Variants in PHF21A observed in about 807,000 individuals in gnomAD.
The protein encoded by PHF21A is BHC80a.
In PHF21A, 11 loss-of-function variants were observed where a neutral mutation model predicts 82.5. That is an observed-to-expected ratio of 0.13 (90% CI 0.08 to 0.22). PHF21A has a LOEUF of 0.22. Among genes scored for constraint, PHF21A ranks in the 10% least tolerant of loss-of-function variants. The probability of loss-of-function intolerance (pLI) is 1.00; values close to 1 mark genes in which losing one functional copy is unlikely to be tolerated. For missense variants in PHF21A, 579 were observed against 837.8 expected, an observed-to-expected ratio of 0.69 and a Z score of 3.81; for synonymous variants, 297 against 302.8, an observed-to-expected ratio of 0.98 and a Z score of 0.20.
At chr11:46,038,316 C>T (rs937093293) in intron 6 of PHF21A, among the ~76,000 whole-genome samples, 1 of 151,906 alleles carries the variant, frequency 6.6e-6, no homozygotes, top group African/African-American at 2.4e-5. Flanking sequence ...TTAGTAGATA[C>T]GGGGTTTCAC....
At chr11:46,101,291 G>T (rs999150972) in intron 1 of PHF21A, among the ~76,000 whole-genome samples, 8 of 152,086 alleles carry the variant, frequency 5.3e-5, no homozygotes, top group African/African-American at 1.7e-4. Context: ...ATCCTAAAAG[G>T]GATTACCAGT....
chr11:46,089,227 G>A (rs1207996097), intron 3 of PHF21A, among the ~76,000 whole-genome samples: 3 of 151,934 alleles, frequency 2.0e-5, no homozygotes, highest in Non-Finnish European at 2.9e-5. Flanking sequence ...TTTACTTCTT[G>A]TACCATGCTT....
chr11:46,035,554 AATC>A (rs1005400384), intron 6 of PHF21A, among the ~76,000 whole-genome samples: 1 of 152,210 alleles, frequency 6.6e-6, no homozygotes, highest in Non-Finnish European at 1.5e-5. Flanking sequence ...AAGAGAGACA[AATC>A]ATTATGATAA....
chr11:46,060,165 A>G (rs1191253630), intron 6 of PHF21A, among the ~76,000 whole-genome samples: 4 of 152,134 alleles, frequency 2.6e-5, no homozygotes, highest in African/African-American at 4.8e-5. Context: ...ATAAACATGC[A>G]TGACTTTTTC....
intron 1 of PHF21A, among the ~76,000 whole-genome samples, chr11:46,094,371 T>A (rs2096964616): frequency 6.6e-6 from 1 of 152,152 alleles, no homozygotes; most frequent in East Asian, 1.9e-4. Context: ...CCGGAAAAGT[T>A]AAGTGATTTC....
Position 45,965,363 on chromosome 11 carries a change from G to T in PHF21A, c.948C>A (p.Leu316=), listed in dbSNP as rs763075716. ...TAAGCTGTACAGTTTGAGGTCCAGC[G>T]AGTCTGGTCCCTGGAGTAGCTATCA... is the stretch of plus-strand genomic sequence containing the variant. ...SIVIATPGTR[L]AGPQTVQLSK... The change falls in exon 10 of 19, where the codon CTC becomes CTA. Residue 316 remains leucine (L), a synonymous_variant. Transcript: ENST00000676320. 6.2e-7 allele frequency: 1 copy of T among 1,614,010 alleles called. No homozygotes were observed. The highest frequency in any genetic ancestry group is 1.6e-4 in the Middle Eastern group (1 of 6,062).
intron 6 of PHF21A, 112 bp downstream of exon 6, chr11:46,076,642 C>T: frequency 1.3e-6 from 1 of 788,910 alleles, no homozygotes; most frequent in Admixed American, 2.3e-5. Flanking sequence ...AGTCTGGCTG[C>T]CCACACTTAT....
chr11:45,950,851 C>G (rs918464842), intron 11 of PHF21A, among the ~76,000 whole-genome samples: 1 of 152,166 alleles, frequency 6.6e-6, no homozygotes, highest in Non-Finnish European at 1.5e-5. Flanking sequence ...TCACTTGTCA[C>G]GACTAGGTCA....
intron 6 of PHF21A, among the ~76,000 whole-genome samples, chr11:46,008,778 T>C (rs1193123820): frequency 6.6e-6 from 1 of 152,090 alleles, no homozygotes; most frequent in African/African-American, 2.4e-5. Context: ...AGTAAATAAA[T>C]GTAAATTCAA....
intron 9 of PHF21A, among the ~76,000 whole-genome samples, chr11:45,968,220 C>T (rs777544190): frequency 2.0e-5 from 3 of 152,210 alleles, no homozygotes; most frequent in Non-Finnish European, 4.4e-5. Context: ...CCAATTTATT[C>T]TCTGCACAGA....
chr11:46,002,435 C>G (rs1449837615), intron 6 of PHF21A, among the ~76,000 whole-genome samples: 2 of 152,082 alleles, frequency 1.3e-5, no homozygotes, highest in Non-Finnish European at 2.9e-5. Context: ...CAATAATAAC[C>G]TACCATATCT....
chr11:46,018,451 T>C (rs1270422758), intron 6 of PHF21A, among the ~76,000 whole-genome samples: 1 of 152,156 alleles, frequency 6.6e-6, no homozygotes, highest in Non-Finnish European at 1.5e-5. Context: ...GGGAAAAATC[T>C]ATAGGGGAAA....
chr11:46,103,988 A>C (rs1014284327), intron 1 of PHF21A, among the ~76,000 whole-genome samples: 9 of 152,318 alleles, frequency 5.9e-5, no homozygotes, highest in East Asian at 1.9e-4. Context: ...CTTTTCTCAT[A>C]ATCAACTTGT....
At chr11:46,048,269 G>A (rs1206910698) in intron 6 of PHF21A, among the ~76,000 whole-genome samples, 1 of 152,170 alleles carries the variant, frequency 6.6e-6, no homozygotes, top group Non-Finnish European at 1.5e-5. Context: ...AAGGCCTTTT[G>A]TCATTGGCTT....
intron 6 of PHF21A, among the ~76,000 whole-genome samples, chr11:46,075,477 T>C (rs1230435932): frequency 6.6e-6 from 1 of 152,230 alleles, no homozygotes; most frequent in African/African-American, 2.4e-5. Flanking sequence ...ACACTTTCAC[T>C]AACACACATC....
At chr11:46,086,414 C>A (rs2096858515) in intron 3 of PHF21A, among the ~76,000 whole-genome samples, 1 of 152,186 alleles carries the variant, frequency 6.6e-6, no homozygotes, top group Non-Finnish European at 1.5e-5. Flanking sequence ...CCACCGCACC[C>A]AGCCAGCTAT....
chr11:46,070,536 G>A (rs2096645121), intron 6 of PHF21A, among the ~76,000 whole-genome samples: 1 of 152,110 alleles, frequency 6.6e-6, no homozygotes, highest in African/African-American at 2.4e-5. Context: ...TCGCCATGTT[G>A]GCCAGGCTGG....
At chr11:46,048,055 TCA>T (rs1327771399) in intron 6 of PHF21A, among the ~76,000 whole-genome samples, 1 of 152,196 alleles carries the variant, frequency 6.6e-6, no homozygotes, top group Non-Finnish European at 1.5e-5. Context: ...TTTAACATAT[TCA>T]CAGTTGCACA....
At chr11:46,084,005 T>C (rs1442080436) in intron 4 of PHF21A, among the ~76,000 whole-genome samples, 161 bp downstream of exon 4, 1 of 152,228 alleles carries the variant, frequency 6.6e-6, no homozygotes, top group Non-Finnish European at 1.5e-5. Context: ...AAGCAGTATC[T>C]ATGACTTTGT....
Sources: gnomAD v4.1 joint callset for allele counts (sites outside exome capture counted in the v4.1 genomes callset) on GRCh38, gnomAD v4.1.1 for gene constraint, MANE v1.5 for transcripts, NCBI Gene and HGNC (gene_info 2026-07-23, HGNC 2026-07-21) for gene names.